CNTNAP5: variants seen among roughly 807,000 people sequenced by gnomAD.
CNTNAP5 encodes contactin associated protein family member 5.
CNTNAP5 carries 72 observed loss-of-function variants against 150.2 expected under a neutral mutation model. That is an observed-to-expected ratio of 0.48 (90% CI 0.40 to 0.58). The LOEUF is 0.58. CNTNAP5 is among the 20% of genes least tolerant of loss of function. The pLI is 0.00. For synonymous variants in CNTNAP5, 672 were observed against 619.8 expected (o/e 1.08, Z -1.25); for missense variants, 1,636 against 1,626.2 (o/e 1.01, Z -0.10).
chr2:124,571,204 G>A (rs1303163400), intron 11 of CNTNAP5, among the ~76,000 whole-genome samples: 1 of 152,172 alleles, frequency 6.6e-6, no homozygotes, highest in African/African-American at 2.4e-5. Context: ...TGCCTGGAAA[G>A]TTTCCCACTG....
intron 1 of CNTNAP5, among the ~76,000 whole-genome samples, chr2:124,078,353 C>A (rs58304844): frequency 6.6e-6 from 1 of 152,096 alleles, no homozygotes; most frequent in Admixed American, 6.6e-5. Flanking sequence ...ACAATGATTT[C>A]TTTTGTACAC....
chr2:124,553,503 C>CA (rs34211914), intron 10 of CNTNAP5, among the ~76,000 whole-genome samples: 22,935 of 119,306 alleles, frequency 0.19, 2,118 homozygotes, highest in Middle Eastern at 0.22. Flanking sequence ...GACTCTGTCT[C>CA]AAAAAAAAAA....
At chr2:124,646,288 T>C (rs541695215) in intron 12 of CNTNAP5, among the ~76,000 whole-genome samples, 17 of 152,330 alleles carry the variant, frequency 1.1e-4, no homozygotes, top group African/African-American at 4.1e-4. Context: ...TATTCTTTTC[T>C]CTTTTCAGCT....
At chr2:124,541,309 C>A (rs1474930781) in intron 10 of CNTNAP5, among the ~76,000 whole-genome samples, 2 of 149,038 alleles carry the variant, frequency 1.3e-5, no homozygotes, top group Admixed American at 1.4e-4. Flanking sequence ...CTTTCTTACT[C>A]TCCTCCCACC....
intron 3 of CNTNAP5, among the ~76,000 whole-genome samples, chr2:124,344,175 G>C (rs1689683981): frequency 6.6e-6 from 1 of 151,988 alleles, no homozygotes; most frequent in African/African-American, 2.4e-5. Flanking sequence ...TAAACCATAT[G>C]CAGACCATAG....
At chr2:124,454,010 G>A (rs1037561482) in intron 6 of CNTNAP5, among the ~76,000 whole-genome samples, 1 of 151,974 alleles carries the variant, frequency 6.6e-6, no homozygotes, top group South Asian at 2.1e-4. Flanking sequence ...GAGTATACAG[G>A]CAACAAATAG....
chr2:124,888,821 T>C (rs891105685), intron 21 of CNTNAP5, among the ~76,000 whole-genome samples: 1 of 152,032 alleles, frequency 6.6e-6, no homozygotes, highest in Non-Finnish European at 1.5e-5. Context: ...GATTTAAGTT[T>C]CTTATAAATT....
At chr2:124,316,197 C>T (rs13382328) in intron 3 of CNTNAP5, among the ~76,000 whole-genome samples, 1,895 of 152,224 alleles carry the variant, frequency 0.012, 39 homozygotes, top group African/African-American at 0.041. Context: ...GTGATCTTCA[C>T]CATGCCTGCA....
At chr2:124,167,572 C>T (rs1216509313) in intron 1 of CNTNAP5, among the ~76,000 whole-genome samples, 5 of 152,180 alleles carry the variant, frequency 3.3e-5, no homozygotes, top group African/African-American at 1.2e-4. Context: ...ATTTCACTAC[C>T]GTGTACTCTC....
intron 19 of CNTNAP5, among the ~76,000 whole-genome samples, chr2:124,820,425 A>G (rs1682461414): frequency 6.6e-6 from 1 of 151,916 alleles, no homozygotes; most frequent in Non-Finnish European, 1.5e-5. Context: ...CTCCCTCACC[A>G]GTTGCTTCCT....
rs190117026 is a variant in CNTNAP5, at chr2:124,299,262, G to A, written c.381+56869G>A. On this transcript the variant is annotated intron_variant, in intron 3 of 23. Transcript: ENST00000682447. ...CCTCCCAGTGCACAGGCTGGTTGGA[G>A]TTTCTCAGGGGACCCCTTTTTACCC... is the stretch of plus-strand genomic sequence containing the variant. 5.3e-3 allele frequency among the ~76,000 whole-genome samples: 811 copies of A among 152,208 alleles called. 3 individuals carry two copies. The highest frequency in any genetic ancestry group is 8.3e-3 in the Non-Finnish European group (566 of 68,018).
intron 13 of CNTNAP5, among the ~76,000 whole-genome samples, chr2:124,744,207 C>T (rs1680558981): frequency 6.6e-6 from 1 of 151,944 alleles, no homozygotes; most frequent in Non-Finnish European, 1.5e-5. Context: ...CCATTCTGTT[C>T]TCGTGGTAGT....
intron 3 of CNTNAP5, among the ~76,000 whole-genome samples, chr2:124,259,271 G>A (rs558441694): frequency 6.6e-6 from 1 of 152,076 alleles, no homozygotes; most frequent in African/African-American, 2.4e-5. Flanking sequence ...TGGACATCTG[G>A]ATTGGTTCCA....
intron 11 of CNTNAP5, among the ~76,000 whole-genome samples, chr2:124,589,258 T>C (rs955397491): frequency 6.6e-6 from 1 of 152,166 alleles, no homozygotes; most frequent in Non-Finnish European, 1.5e-5. Flanking sequence ...CTTGTCTAAT[T>C]TGGACATTTA....
chr2:124,156,536 C>T (rs1284008559), intron 1 of CNTNAP5, among the ~76,000 whole-genome samples: 1 of 152,100 alleles, frequency 6.6e-6, no homozygotes, highest in Non-Finnish European at 1.5e-5. Flanking sequence ...CTCTCTGTTG[C>T]CCAGGCTGGA....
chr2:124,721,014 T>C (rs1237743363), intron 13 of CNTNAP5, among the ~76,000 whole-genome samples: 1 of 152,114 alleles, frequency 6.6e-6, no homozygotes, highest in South Asian at 2.1e-4. Flanking sequence ...TTTCCATCTT[T>C]CCCGTACCTC....
intron 13 of CNTNAP5, among the ~76,000 whole-genome samples, 171 bp from the exon 14 acceptor site, chr2:124,747,058 A>G (rs1573589712): frequency 1.3e-5 from 2 of 152,286 alleles, no homozygotes; most frequent in Non-Finnish European, 2.9e-5. Context: ...AAAGAAATGA[A>G]GAAAGCAAGC....
At chr2:124,594,764 C>A (rs1410786576) in intron 11 of CNTNAP5, among the ~76,000 whole-genome samples, 1 of 128,882 alleles carries the variant, frequency 7.8e-6, no homozygotes, top group Non-Finnish European at 1.7e-5. Context: ...TCTTCCTACC[C>A]ATGAGCATGG....
At position 124,915,278 on chromosome 2, in the gene CNTNAP5, AAAGT is replaced by A. The variant is rs1467046372; in HGVS notation, c.*991_*994del. The A allele has an allele frequency of 6.0e-6, 1 of 166,686 alleles. No individual in the cohort carries two copies. Among genetic ancestry groups the A allele is most frequent in the Non-Finnish European group, 1.5e-5 (1 of 67,998 alleles). 10.3% of individuals were successfully genotyped at this position (166,686 alleles called of 1,614,324 possible). On this transcript the variant is annotated 3_prime_UTR_variant, in exon 24 of 24. Transcript: ENST00000682447. ...GCTGCAGCATAAAGAAATTGAAATA[AAAGT>A]TTAAAATAGTACCCGGTTCAATGAA...
Sources: gnomAD v4.1 joint callset for allele counts (sites outside exome capture counted in the v4.1 genomes callset) on GRCh38, gnomAD v4.1.1 for gene constraint, MANE v1.5 for transcripts, NCBI Gene and HGNC (gene_info 2026-07-23, HGNC 2026-07-21) for gene names.